Variants in RBFA observed in about 807,000 individuals in gnomAD.
RBFA encodes ribosome binding factor A.
A neutral mutation model predicts 27.9 loss-of-function variants in RBFA; 16 were observed. The ratio of observed to expected loss-of-function variants is 0.57; its 90% CI spans 0.39 to 0.87. RBFA has a LOEUF of 0.87. Among genes scored for constraint, RBFA ranks in the 40% least tolerant of loss-of-function variants. RBFA has a pLI of 0.00. For missense variants in RBFA, 456 were observed against 432.1 expected (o/e 1.06, Z -0.49); for synonymous variants, 181 against 181.0 (o/e 1.00, Z 0.00).
intron 4 of RBFA, among the ~76,000 whole-genome samples, chr18:80,039,676 T>C (rs1023845455): frequency 3.9e-5 from 6 of 152,256 alleles, no homozygotes; most frequent in African/African-American, 1.4e-4. Context: ...CTTGAGACTC[T>C]TCTGATGAGA....
At position 80,047,690 on chromosome 18, in the gene RBFA, T is replaced by C. The variant is rs2052065548; in HGVS notation, c.*1535T>C. Among the ~76,000 whole-genome samples the C allele has an allele frequency of 1.0e-5, 1 of 98,222 alleles. No homozygotes were observed. The highest frequency in any genetic ancestry group is 3.3e-5 in the African/African-American group (1 of 30,518). 64.4% of individuals were successfully genotyped at this position (98,222 alleles called of 152,430 possible). Reference sequence around the variant, plus strand: ...ACAAAACCCCACATGATGGTATGAGTAGGAGAGAGAAAAAAAAAAGGGAGC... The same window carrying C: ...ACAAAACCCCACATGATGGTATGAGCAGGAGAGAGAAAAAAAAAAGGGAGC... On this transcript the variant is annotated 3_prime_UTR_variant, in exon 7 of 7. Transcript: ENST00000306735.
At chr18:80,036,881 T>G (rs555026520) in intron 2 of RBFA, among the ~76,000 whole-genome samples, 171 bp downstream of exon 2, 1 of 152,308 alleles carries the variant, frequency 6.6e-6, no homozygotes, top group Admixed American at 6.5e-5. Flanking sequence ...CAAAAAAAAA[T>G]GTACTGACAT....
At chr18:80,041,709 C>G (rs932980858) in intron 4 of RBFA, 1 of 142,028 alleles carries the variant, frequency 7.0e-6, no homozygotes, top group Admixed American at 7.7e-5. Context: ...CGATAAATCT[C>G]ACTCCTGCCT....
At chr18:80,044,946 G>A (rs1368716994) in intron 6 of RBFA, among the ~76,000 whole-genome samples, 1 of 152,226 alleles carries the variant, frequency 6.6e-6, no homozygotes, top group Admixed American at 6.5e-5. Context: ...TCCCTGAGCT[G>A]GAAGCAAAGC....
At position 80,048,971 on chromosome 18, in the gene RBFA, T is replaced by G. The variant is rs72486315; in HGVS notation, c.*2816T>G. 7.0e-6 allele frequency among the ~76,000 whole-genome samples: 1 copy of G among 143,852 alleles called. No individual in the cohort carries two copies. The highest frequency in any genetic ancestry group is 2.6e-5 in the African/African-American group (1 of 38,232). 94.4% of individuals were successfully genotyped at this position (143,852 alleles called of 152,430 possible). A position where few individuals can be genotyped will look rare whatever the true frequency, so the allele number is the denominator to read the frequency against. ...GCTCAGTGCCTCCTAGAAAGTGGAG[T>G]GTGGGCACGTTTGTAGGGGATCCCA... On this transcript the variant is annotated 3_prime_UTR_variant, in exon 7 of 7. Transcript: ENST00000306735.
In RBFA at chr18:80,044,194, C is replaced by T. The variant is rs1415461231; in HGVS notation, c.577-18C>T. ...TGGGGATGTGGCTAACGGGTTTACCCTCTGTGTTCCTCTGTAGCTTGATCA... is the reference window on the plus strand; with the variant it reads ...TGGGGATGTGGCTAACGGGTTTACCTTCTGTGTTCCTCTGTAGCTTGATCA... On this transcript the variant is annotated intron_variant, in intron 5 of 6. Coordinates refer to ENST00000306735, the MANE Select transcript of RBFA (RefSeq NM_024805.3). 6.2e-7 allele frequency: 1 copy of T among 1,612,318 alleles called. No homozygotes were observed. The highest frequency in any genetic ancestry group is 2.2e-5 in the East Asian group (1 of 44,856).
At position 80,044,432 on chromosome 18, in the gene RBFA, T is replaced by A; in HGVS notation, c.650+147T>A. Reference sequence around the variant, plus strand: ...TGCCTCCAGGGCCGGCAATCCACATTCACAGGCCTGTGCTGTGGCCTGGCC... The same window carrying A: ...TGCCTCCAGGGCCGGCAATCCACATACACAGGCCTGTGCTGTGGCCTGGCC... On this transcript the variant is annotated intron_variant, in intron 6 of 6. Transcript: ENST00000306735. 6.7e-6 allele frequency: 5 copies of A among 743,534 alleles called. 1 individual carries two copies. The South Asian group carries it at 8.1e-5, about 12-fold the overall frequency. The allele number at this position is 743,534 out of a possible 1,614,324, so 46.1% of individuals were successfully genotyped here.
rs2052068132 is a variant in RBFA, at chr18:80,048,012, G to C, written c.*1857G>C. On this transcript the variant is annotated 3_prime_UTR_variant, in exon 7 of 7. Transcript: ENST00000306735. Reference sequence around the variant, plus strand: ...TGGTGTTACTGGAACATGGCTATGTGAATTCATTTATGTACAAGAGACCTC... The same window carrying C: ...TGGTGTTACTGGAACATGGCTATGTCAATTCATTTATGTACAAGAGACCTC... The C allele has an allele frequency of 6.6e-6, 1 of 152,218 alleles. No homozygotes were observed. Among genetic ancestry groups the C allele is most frequent in the African/African-American group, 2.4e-5 (1 of 41,446 alleles). 9.4% of individuals were successfully genotyped at this position (152,218 alleles called of 1,614,324 possible). A position where few individuals can be genotyped will look rare whatever the true frequency, so the allele number is the denominator to read the frequency against.
At chr18:80,037,744 C>G (rs552798738) in intron 3 of RBFA, among the ~76,000 whole-genome samples, 31 of 152,242 alleles carry the variant, frequency 2.0e-4, no homozygotes, top group Admixed American at 3.9e-4. Context: ...AAAAACTTAG[C>G]CGGGCATGGT....
intron 1 of RBFA, 128 bp from the exon 2 acceptor site, chr18:80,036,540 G>C (rs1025801245): frequency 2.1e-5 from 11 of 514,844 alleles, no homozygotes; most frequent in African/African-American, 2.1e-4. Flanking sequence ...AATTTTTTAA[G>C]ATGTCCAGTA....
chr18:80,034,553 C>G lies in RBFA; in HGVS notation c.58C>G (p.Arg20Gly), dbSNP rs1052997035. ...CCGCGCGGGTCTCCGGGCCCTGTTC[C>G]GTAGCCGCGATGCTGCGCTATTTCC... Reference protein sequence around the residue: ...RSRAGLRALFRSRDAALFPGC... With the variant: ...RSRAGLRALFGSRDAALFPGC... Residue 20 changes from arginine (R) to glycine (G), a missense_variant, in exon 1 of 7, where the codon CGT (arginine) becomes GGT (glycine). By Grantham distance (125) the Arg-to-Gly change is moderately radical. Coordinates refer to ENST00000306735, the MANE Select transcript of RBFA (RefSeq NM_024805.3). 18 of 1,608,664 alleles carry G rather than the reference C, an allele frequency of 1.1e-5. No homozygotes were observed. Among genetic ancestry groups the G allele is most frequent in the Non-Finnish European group, 1.5e-5 (18 of 1,178,958 alleles).
chr18:80,038,020 T>A (rs1326646505), intron 3 of RBFA, among the ~76,000 whole-genome samples: 1 of 152,194 alleles, frequency 6.6e-6, no homozygotes, highest in Non-Finnish European at 1.5e-5. Context: ...GAGGCAGATG[T>A]CTCACTGCAA....
intron 1 of RBFA, 166 bp downstream of exon 1, chr18:80,034,819 G>C: frequency 1.4e-6 from 1 of 719,926 alleles, no homozygotes; most frequent in South Asian, 2.3e-5. Context: ...AGCATTTGCA[G>C]CTTTTGTGTT....
chr18:80,037,203 G>C, intron 2 of RBFA, 127 bp from the exon 3 acceptor site: 1 of 646,310 alleles, frequency 1.5e-6, no homozygotes, highest in East Asian at 2.6e-5. Flanking sequence ...GAAAGCTGAG[G>C]CAGCTGAGAG....
At chr18:80,045,436 A>G (rs999860818) in intron 6 of RBFA, among the ~76,000 whole-genome samples, 9 of 152,088 alleles carry the variant, frequency 5.9e-5, no homozygotes, top group African/African-American at 2.2e-4. Context: ...CATGTTGGCC[A>G]GGCTGGTCTT....
At chr18:80,045,549 C>T (rs1568390082) in intron 6 of RBFA, among the ~76,000 whole-genome samples, 2 of 152,062 alleles carry the variant, frequency 1.3e-5, no homozygotes. Flanking sequence ...GCATACAGGA[C>T]GGTGCACCTG....
chr18:80,039,354 AC>A (rs1236796750), intron 4 of RBFA, among the ~76,000 whole-genome samples: 1 of 152,148 alleles, frequency 6.6e-6, no homozygotes, highest in Non-Finnish European at 1.5e-5. Context: ...AAAATCCGAG[AC>A]AGTTTATCAA....
chr18:80,036,625 T>G (rs778145680), intron 1 of RBFA, 43 bp from the exon 2 acceptor site: 4 of 1,502,584 alleles, frequency 2.7e-6, no homozygotes, highest in Non-Finnish European at 3.7e-6. Flanking sequence ...TGTAACTTTT[T>G]GACTTTGCCA....
intron 4 of RBFA, among the ~76,000 whole-genome samples, chr18:80,040,184 CT>C (rs1163091738): frequency 6.8e-6 from 1 of 147,826 alleles, no homozygotes; most frequent in African/African-American, 2.5e-5. Flanking sequence ...AAGATCCATA[CT>C]TTTCTCATGG....
Sources: allele counts gnomAD v4.1 joint callset (sites outside exome capture counted in the v4.1 genomes callset), GRCh38; gene constraint gnomAD v4.1.1; transcripts MANE v1.5; gene names NCBI Gene and HGNC (gene_info 2026-07-23, HGNC 2026-07-21).